The following LUZP2 variants were observed in gnomAD, a reference collection of about 807,000 sequenced individuals.
The protein encoded by LUZP2 is leucine zipper protein 2.
LUZP2 carries 52 observed loss-of-function variants against 51.6 expected under a neutral mutation model. That is an observed-to-expected ratio of 1.01 (90% CI 0.81 to 1.27). The LOEUF (loss-of-function observed/expected upper bound fraction) is 1.27. LUZP2 is among the 50% of genes most tolerant of loss of function. LUZP2 has a pLI of 0.00. For missense variants in LUZP2, 436 were observed against 395.4 expected (o/e 1.10, Z -0.87); for synonymous variants, 154 against 137.3 (o/e 1.12, Z -0.85).
intron 1 of LUZP2, among the ~76,000 whole-genome samples, chr11:24,689,539 G>A (rs1238595235): frequency 1.3e-5 from 2 of 152,058 alleles, no homozygotes; most frequent in Non-Finnish European, 2.9e-5. Flanking sequence ...CACCAGCTGT[G>A]ACCAATTTCT....
intron 5 of LUZP2, among the ~76,000 whole-genome samples, chr11:24,848,327 G>C (rs1383270823): frequency 6.6e-6 from 1 of 152,056 alleles, no homozygotes; most frequent in Non-Finnish European, 1.5e-5. Context: ...ATCCTTAACA[G>C]TAAAAATTTT....
intron 5 of LUZP2, among the ~76,000 whole-genome samples, chr11:24,849,660 A>AAAATGGT (rs1219981932): frequency 6.6e-6 from 1 of 152,100 alleles, no homozygotes; most frequent in Non-Finnish European, 1.5e-5. Flanking sequence ...ATTGCTGGGT[A>AAAATGGT]AAATGGTATT....
rs78537884 is a variant in LUZP2, at chr11:24,525,022, C to T, written c.62+27717C>T. On this transcript the variant is annotated intron_variant, in intron 1 of 11. Coordinates refer to ENST00000336930, the MANE Select transcript of LUZP2 (RefSeq NM_001009909.4). ...TAAAGAAAGTGAACAAACATATTTG[C>T]CACTAATGGATTTCTTTTTCTTCAA... Among the ~76,000 whole-genome samples, 655 of 151,646 alleles carry T rather than the reference C, an allele frequency of 4.3e-3. 8 individuals carry two copies. Among genetic ancestry groups the T allele is most frequent in the African/African-American group, 0.015 (613 of 41,494 alleles).
chr11:24,883,806 G>T (rs1852572449), intron 5 of LUZP2, among the ~76,000 whole-genome samples: 1 of 152,014 alleles, frequency 6.6e-6, no homozygotes, highest in Admixed American at 6.6e-5. Flanking sequence ...AGAACTTATA[G>T]TTGAATTTGG....
intron 1 of LUZP2, among the ~76,000 whole-genome samples, chr11:24,666,169 G>A (rs865782044): frequency 1.3e-5 from 2 of 152,086 alleles, no homozygotes; most frequent in South Asian, 2.1e-4. Flanking sequence ...AGAAAATGAG[G>A]TAGAAGCTGA....
chr11:24,709,764 G>C (rs561213458), intron 1 of LUZP2, among the ~76,000 whole-genome samples: 1 of 152,180 alleles, frequency 6.6e-6, no homozygotes, highest in South Asian at 2.1e-4. Context: ...CAGTGTCATC[G>C]TTTTTGTATT....
intron 9 of LUZP2, among the ~76,000 whole-genome samples, chr11:25,034,807 T>G (rs1454249381): frequency 6.6e-6 from 1 of 152,112 alleles, no homozygotes; most frequent in Non-Finnish European, 1.5e-5. Flanking sequence ...AGTACTAAGC[T>G]GTTTGACTAC....
intron 9 of LUZP2, among the ~76,000 whole-genome samples, chr11:24,992,347 A>G (rs1201645236): frequency 1.3e-5 from 2 of 152,042 alleles, no homozygotes; most frequent in Non-Finnish European, 2.9e-5. Flanking sequence ...TTGTGTGTGT[A>G]TGTGTCTGTG....
At chr11:25,019,520 A>G (rs1857266607) in intron 9 of LUZP2, among the ~76,000 whole-genome samples, 1 of 152,124 alleles carries the variant, frequency 6.6e-6, no homozygotes, top group Non-Finnish European at 1.5e-5. Context: ...TTTTATTTAA[A>G]TGAGCATGGT....
At position 24,835,983 on chromosome 11, in the gene LUZP2, C is replaced by T. The variant is rs532412449; in HGVS notation, c.397-70008C>T. ...GGAAGATTAAAAAATTTAATCAAGT[C>T]ATACTGATTTCCTGATGTAAATGCA... On this transcript the variant is annotated intron_variant, in intron 5 of 11. Transcript: ENST00000336930. Among the ~76,000 whole-genome samples, 6 of 152,040 alleles carry T rather than the reference C, an allele frequency of 3.9e-5. No homozygotes were observed. In the East Asian group the frequency reaches 1.2e-3, roughly 29 times the overall value.
intron 9 of LUZP2, among the ~76,000 whole-genome samples, chr11:25,015,292 A>G (rs184968797): frequency 2.9e-4 from 44 of 152,332 alleles, no homozygotes; most frequent in Middle Eastern, 3.4e-3. Context: ...CCTGTGTAAC[A>G]TTCACTCAGC....
Position 24,765,666 on chromosome 11 carries a change from T to A in LUZP2, c.396+2358T>A, listed in dbSNP as rs146332949. On this transcript the variant is annotated intron_variant, in intron 5 of 11. Transcript: ENST00000336930. The stretch of plus-strand genomic sequence containing the variant: ...TTTTTGAGACGGAGTCTCACTCTGT[T>A]GCCCAGGCTGGAGTGCCGTGGCTTG... Among the ~76,000 whole-genome samples the A allele has an allele frequency of 2.2e-3, 334 of 150,760 alleles. 2 individuals carry two copies. Among genetic ancestry groups the A allele is most frequent in the African/African-American group, 7.5e-3 (309 of 40,946 alleles).
intron 9 of LUZP2, among the ~76,000 whole-genome samples, chr11:25,021,006 C>A (rs1337634797): frequency 6.6e-6 from 1 of 151,982 alleles, no homozygotes; most frequent in African/African-American, 2.4e-5. Flanking sequence ...CAAAATTAAA[C>A]AACTCTAGAA....
chr11:24,721,603 A>G (rs2133951934), intron 1 of LUZP2, among the ~76,000 whole-genome samples: 1 of 152,304 alleles, frequency 6.6e-6, no homozygotes, highest in South Asian at 2.1e-4. Context: ...CACAAATGTA[A>G]GTTATTCACA....
chr11:24,622,069 C>A (rs1361624897), intron 1 of LUZP2, among the ~76,000 whole-genome samples: 2 of 151,804 alleles, frequency 1.3e-5, no homozygotes, highest in African/African-American at 2.4e-5. Context: ...GCATCCCAAG[C>A]AGCTGGGACT....
At chr11:24,602,272 A>ATGTGTG (rs1211280068) in intron 1 of LUZP2, among the ~76,000 whole-genome samples, 1 of 138,808 alleles carries the variant, frequency 7.2e-6, no homozygotes, top group African/African-American at 3.0e-5. Flanking sequence ...ATATGTACAT[A>ATGTGTG]CATATATACA....
At chr11:24,655,962 A>C (rs1371290596) in intron 1 of LUZP2, among the ~76,000 whole-genome samples, 1 of 152,168 alleles carries the variant, frequency 6.6e-6, no homozygotes. Flanking sequence ...GAGGTTAGTG[A>C]CACTCTGGAA....
intron 9 of LUZP2, among the ~76,000 whole-genome samples, chr11:24,986,476 A>AATCCG (rs950359278): frequency 6.6e-6 from 1 of 151,370 alleles, no homozygotes; most frequent in African/African-American, 2.4e-5. Flanking sequence ...ATACTGTAGA[A>AATCCG]ATTGACTAAC....
At position 25,081,051 on chromosome 11, in the gene LUZP2, G is replaced by C. The variant is rs867457609; in HGVS notation, c.*2393G>C. 23 of 15,006 alleles carry C rather than the reference G, an allele frequency of 1.5e-3. No individual in the cohort carries two copies. The highest frequency in any genetic ancestry group is 0.015 in the Admixed American group (23 of 1,528). 0.9% of individuals were successfully genotyped at this position (15,006 alleles called of 1,614,324 possible). A position where few individuals can be genotyped will look rare whatever the true frequency, so the allele number is the denominator to read the frequency against. On this transcript the variant is annotated 3_prime_UTR_variant, in exon 12 of 12. Coordinates refer to ENST00000336930, the MANE Select transcript of LUZP2 (RefSeq NM_001009909.4). ...ATGATTTTTTTTTTTTTTTTTTTTT[G>C]AGATGAAATCTCGCTCTTGTTGCCC...
Sources: gnomAD v4.1 joint callset for allele counts (sites outside exome capture counted in the v4.1 genomes callset) on GRCh38, gnomAD v4.1.1 for gene constraint, MANE v1.5 for transcripts, NCBI Gene and HGNC (gene_info 2026-07-23, HGNC 2026-07-21) for gene names.